SNED1: variants seen among roughly 807,000 people sequenced by gnomAD.
SNED1 encodes sushi, nidogen and EGF-like domain-containing protein 1.
Under a neutral mutation model 166.7 loss-of-function variants are expected in SNED1, and 81 were observed. The observed-to-expected ratio is 0.49, with a 90% CI of 0.41 to 0.58. SNED1 has a LOEUF of 0.58. SNED1 is among the 20% of genes least tolerant of loss of function. The pLI is 0.00. For missense variants in SNED1, 1,604 were observed against 2,000.2 expected (o/e 0.80, Z 3.78); for synonymous variants, 762 against 822.0 (o/e 0.93, Z 1.25).
rs2061252159 is a variant in SNED1, at chr2:241,033,547, C to T, written c.502-188C>T. 6.2e-5 allele frequency: 38 copies of T among 610,304 alleles called. No individual in the cohort carries two copies. In the East Asian group the frequency reaches 7.8e-4, roughly 13 times the overall value. 37.8% of individuals were successfully genotyped at this position (610,304 alleles called of 1,614,324 possible). A position where few individuals can be genotyped will look rare whatever the true frequency, so the allele number is the denominator to read the frequency against. ...CAGACGGCCTCTGCTGAGTGGCAGG[C>T]GCTGGGAGACAGCAGAGGATGAGGC... On this transcript the variant is annotated intron_variant, in intron 2 of 31. Transcript: ENST00000310397.
chr2:241,051,880 G>T lies in SNED1; in HGVS notation c.1852+20G>T, dbSNP rs762865504. On this transcript the variant is annotated intron_variant, in intron 13 of 31. Transcript: ENST00000310397. This position sits in a 1 kb window ranked among gnomAD's most constrained non-coding sequence, Gnocchi z 4.7. ...AGATCGGTGCGGCCCCCAGGGGCAG[G>T]GGGGAGGGCAGGAACGACGGGCCAG... 48 of 1,523,644 alleles carry T rather than the reference G, an allele frequency of 3.2e-5. No homozygotes were observed. The highest frequency in any genetic ancestry group is 4.2e-5 in the Non-Finnish European group (47 of 1,130,884). The allele number at this position is 1,523,644 out of a possible 1,614,324, so 94.4% of individuals were successfully genotyped here.
chr2:241,092,890 G>A lies in SNED1; in HGVS notation c.*1254G>A, dbSNP rs2064129949. 2 of 152,204 alleles carry A rather than the reference G, an allele frequency of 1.3e-5. No homozygotes were observed. The highest frequency in any genetic ancestry group is 4.1e-4 in the South Asian group (2 of 4,820). The allele number at this position is 152,204 out of a possible 1,614,324, so 9.4% of individuals were successfully genotyped here. The stretch of plus-strand genomic sequence containing the variant: ...CAGCCACCCCACCTCCTCTCGTGTT[G>A]AGCCTCACGACCGCTGACCCAGCTG... On this transcript the variant is annotated 3_prime_UTR_variant, in exon 32 of 32. Coordinates refer to ENST00000310397, the MANE Select transcript of SNED1 (RefSeq NM_001080437.3). This position sits in a 1 kb window ranked among gnomAD's most constrained non-coding sequence, Gnocchi z 4.6.
In SNED1 at chr2:241,040,413, G is replaced by C; in HGVS notation, c.1273G>C (p.Gly425Arg). The C allele has an allele frequency of 6.3e-7, 1 of 1,576,904 alleles. No homozygotes were observed. The highest frequency in any genetic ancestry group is 8.6e-7 in the Non-Finnish European group (1 of 1,158,926). The change falls in exon 8 of 32, where the codon GGA becomes CGA. Residue 425 changes from glycine (G) to arginine (R), a missense_variant and splice_region_variant. This residue lies in a region of SNED1 where 1,237 missense variants were observed against 1,620.8 expected (regional missense o/e 0.76). Coordinates refer to ENST00000310397, the MANE Select transcript of SNED1 (RefSeq NM_001080437.3). ...CTTCAAGGGACTTCGCTGTGAGACA[G>C]GTAACTGGCCAAGTGCCTGCAGGCC... ...EPFKGLRCET[G>R]DHPVPDACLS... is the part of the protein sequence containing the mutation.
chr2:240,998,530 G>A (rs554425467), upstream of SNED1, among the ~76,000 whole-genome samples: 4 of 151,914 alleles, frequency 2.6e-5, no homozygotes, highest in African/African-American at 7.2e-5. Flanking sequence ...GGGGCCTGGC[G>A]CTTTAAGAGA....
At chr2:241,039,646 T>G (rs1464415587) in intron 6 of SNED1, among the ~76,000 whole-genome samples, 1 of 151,964 alleles carries the variant, frequency 6.6e-6, no homozygotes, top group Non-Finnish European at 1.5e-5. Flanking sequence ...CCACCCAGCC[T>G]CTCGCCCCAG....
chr2:241,040,206 G>T lies in SNED1; in HGVS notation c.1159+18G>T, dbSNP rs115643503. The T allele has an allele frequency of 4.8e-3, 7,607 of 1,578,546 alleles. 90 individuals carry two copies. The highest frequency in any genetic ancestry group is 0.043 in the African/African-American group (3,172 of 74,210). On this transcript the variant is annotated intron_variant, in intron 7 of 31. Transcript: ENST00000310397. ...CGAGATGGGTGAGTGGCCTGGCTTC[G>T]GATTGGAGAGGGGCTCCTGCCCGTG... is the stretch of plus-strand genomic sequence containing the variant.
intron 20 of SNED1, 134 bp downstream of exon 20, chr2:241,065,091 T>TA: frequency 1.2e-6 from 1 of 826,998 alleles, no homozygotes. Context: ...AGGGAGGGGA[T>TA]AAAATCCCCC....
chr2:241,012,670 A>G (rs1403872988), intron 1 of SNED1, among the ~76,000 whole-genome samples: 4 of 152,238 alleles, frequency 2.6e-5, no homozygotes, highest in African/African-American at 7.2e-5. Context: ...GTGATTTAAT[A>G]TACCTACACA....
In SNED1 at chr2:241,048,959, A is replaced by G. The variant is rs920965411; in HGVS notation, c.1505-63A>G. The G allele has an allele frequency of 9.0e-6, 13 of 1,447,472 alleles. 1 individual carries two copies. The African/African-American group carries it at 1.1e-4, about 13-fold the overall frequency. 89.7% of individuals were successfully genotyped at this position (1,447,472 alleles called of 1,614,324 possible). A position where few individuals can be genotyped will look rare whatever the true frequency, so the allele number is the denominator to read the frequency against. The stretch of plus-strand genomic sequence containing the variant: ...GTCTTGGGAGGCCCCATCCTTGACA[A>G]GGACTCGAGGTCTGCTGGAAGACAT... On this transcript the variant is annotated intron_variant, in intron 10 of 31. Coordinates refer to ENST00000310397, the MANE Select transcript of SNED1 (RefSeq NM_001080437.3).
At chr2:241,071,070 T>G (rs530253291) in intron 24 of SNED1, among the ~76,000 whole-genome samples, 7 of 150,536 alleles carry the variant, frequency 4.7e-5, no homozygotes, top group South Asian at 2.1e-4. Flanking sequence ...GGCGTCAGAG[T>G]GAGAGGGAGA....
At position 241,069,184 on chromosome 2, in the gene SNED1, C is replaced by T. The variant is rs1254342020; in HGVS notation, c.3307+161C>T. ...TCCGCTGGGGCCACTGGGCAGGAGC[C>T]GCTGGGCTGGGCTGGGCCCTTGTGC... On this transcript the variant is annotated intron_variant, in intron 23 of 31. Transcript: ENST00000310397. The surrounding 1 kb of genome is among the most constrained non-coding windows in gnomAD (Gnocchi z 4.9). Among the ~76,000 whole-genome samples the T allele has an allele frequency of 6.6e-6, 1 of 152,202 alleles. No homozygotes were observed. Among genetic ancestry groups the T allele is most frequent in the Non-Finnish European group, 1.5e-5 (1 of 68,030 alleles).
At chr2:241,082,970 C>T (rs938783869) in intron 29 of SNED1, among the ~76,000 whole-genome samples, 4 of 152,180 alleles carry the variant, frequency 2.6e-5, no homozygotes, top group African/African-American at 7.2e-5. Context: ...TGCTGTGTGC[C>T]GGGCACTGTT....
intron 29 of SNED1, among the ~76,000 whole-genome samples, chr2:241,085,535 C>G (rs1260245744): frequency 2.0e-5 from 3 of 152,138 alleles, no homozygotes; most frequent in Admixed American, 2.0e-4. Flanking sequence ...TTAAGGTCCT[C>G]ATCTGCTATT....
intron 4 of SNED1, among the ~76,000 whole-genome samples, chr2:241,035,217 C>T (rs1200073535): frequency 6.6e-6 from 1 of 152,144 alleles, no homozygotes; most frequent in Non-Finnish European, 1.5e-5. Context: ...GTCCTCTTAC[C>T]ACCCAGGTCC....
chr2:241,032,570 CACATGTAT>C lies in SNED1; in HGVS notation c.502-1160_502-1153del, dbSNP rs539980614. The stretch of plus-strand genomic sequence containing the variant: ...TAATGGGTGCAGCACACCAACATGG[CACATGTAT>C]ACATATGTAACAAACCTGCACGTTG... On this transcript the variant is annotated intron_variant, in intron 2 of 31. Coordinates refer to ENST00000310397, the MANE Select transcript of SNED1 (RefSeq NM_001080437.3). Among the ~76,000 whole-genome samples the C allele has an allele frequency of 8.3e-4, 126 of 152,104 alleles. 2 individuals are homozygous for C. In the East Asian group the frequency reaches 0.022, roughly 26 times the overall value.
chr2:241,056,127 CAA>C (rs1254464424), intron 16 of SNED1, among the ~76,000 whole-genome samples: 3 of 151,616 alleles, frequency 2.0e-5, no homozygotes, highest in Non-Finnish European at 4.4e-5. Flanking sequence ...GGAATTTAGA[CAA>C]AGACTTTAAA....
rs528746195 is a variant in SNED1, at chr2:241,071,599, C to T, written c.3613C>T (p.Arg1205Cys). ...AGCCCCCAGGGATGGCGCTGACAGA[C>T]GCTGGCACCAGGGAGGACACCACCC... The part of the protein sequence containing the change: ...ITSPRDGADR[R>C]WHQGGHHPRV... Residue 1205 changes from arginine to cysteine, a missense_variant, in exon 25 of 32, where the codon CGC becomes TGC. Physicochemically the swap from Arg to Cys is radical, Grantham distance 180. Coordinates refer to ENST00000310397, the MANE Select transcript of SNED1 (RefSeq NM_001080437.3). The T allele has an allele frequency of 2.3e-5, 36 of 1,588,382 alleles. No homozygotes were observed. Among genetic ancestry groups the T allele is most frequent in the South Asian group, 3.4e-5 (3 of 88,054 alleles).
chr2:241,090,559 G>T, intron 31 of SNED1: 1 of 1,265,936 alleles, frequency 7.9e-7, no homozygotes, highest in Non-Finnish European at 1.0e-6. Context: ...CTATACACAG[G>T]GCAGTGCAGT....
chr2:241,064,219 G>A lies in SNED1; in HGVS notation c.2599+94G>A, dbSNP rs549255982. 547 of 780,360 alleles carry A rather than the reference G, an allele frequency of 7.0e-4. 5 individuals carry two copies. The highest frequency in any genetic ancestry group is 2.7e-3 in the South Asian group (149 of 54,990). 48.3% of individuals were successfully genotyped at this position (780,360 alleles called of 1,614,324 possible). ...CCCGCCCTCTGCCCGCCTGCTCCCC[G>A]CCCTCTGCCCGCCTGCTCCCCGCCC... On this transcript the variant is annotated intron_variant, in intron 19 of 31. Coordinates refer to ENST00000310397, the MANE Select transcript of SNED1 (RefSeq NM_001080437.3). This position sits in a 1 kb window ranked among gnomAD's most constrained non-coding sequence, Gnocchi z 7.0.
Sources: gnomAD v4.1 joint callset for allele counts (sites outside exome capture counted in the v4.1 genomes callset) on GRCh38, gnomAD v4.1.1 for gene constraint, gnomAD v4.1.1 regional missense constraint, Gnocchi (gnomAD v3.1) non-coding constraint, MANE v1.5 for transcripts, NCBI Gene and HGNC (gene_info 2026-07-23, HGNC 2026-07-21) for gene names.